ACAD10: variants seen among roughly 807,000 people sequenced by gnomAD.
ACAD10 encodes acyl-CoA dehydrogenase family member 10.
In ACAD10, 112 loss-of-function variants were observed where a neutral mutation model predicts 116.8. The ratio of observed to expected loss-of-function variants is 0.96; its 90% CI spans 0.82 to 1.12. The LOEUF (loss-of-function observed/expected upper bound fraction) is 1.12, where lower values mean the gene tolerates loss of function less well. Ranked by LOEUF, ACAD10 falls within the 50% of genes most tolerant of loss-of-function variation. The pLI is 0.00. For synonymous variants in ACAD10, 486 were observed against 510.6 expected (o/e 0.95, Z 0.65); for missense variants, 1,259 against 1,350.2 (o/e 0.93, Z 1.06).
At chr12:111,747,413 A>G in intron 16 of ACAD10, 28 bp downstream of exon 16, 1 of 1,612,146 alleles carries the variant, frequency 6.2e-7, no homozygotes, top group Non-Finnish European at 8.5e-7. Flanking sequence ...CACTTTCCAA[A>G]TGCACATCAG....
chr12:111,733,842 A>G (rs1889471410), intron 10 of ACAD10, 81 bp from the exon 11 acceptor site: 1 of 1,578,842 alleles, frequency 6.3e-7, no homozygotes, highest in Non-Finnish European at 8.6e-7. Flanking sequence ...AGCCAAGCCT[A>G]AAGGGCAAAC....
chr12:111,703,105 C>A (rs1038005640), intron 3 of ACAD10, among the ~76,000 whole-genome samples: 2 of 139,508 alleles, frequency 1.4e-5, no homozygotes, highest in African/African-American at 2.5e-5. Flanking sequence ...AAAAAAAATT[C>A]TTTACTAAGT....
At chr12:111,735,697 C>T (rs940286271) in intron 11 of ACAD10, among the ~76,000 whole-genome samples, 10 of 152,208 alleles carry the variant, frequency 6.6e-5, no homozygotes, top group South Asian at 4.2e-4. Context: ...CCTCATGATC[C>T]GCCCGCCTTG....
chr12:111,712,082 T>G (rs1284242006), intron 5 of ACAD10, among the ~76,000 whole-genome samples: 1 of 152,212 alleles, frequency 6.6e-6, no homozygotes, highest in East Asian at 1.9e-4. Flanking sequence ...AAATACAGAA[T>G]GTAAAGTCTC....
chr12:111,745,144 G>A, intron 13 of ACAD10, 101 bp downstream of exon 13: 1 of 1,299,808 alleles, frequency 7.7e-7, no homozygotes, highest in South Asian at 1.5e-5. Context: ...GAAGATACAG[G>A]AGCTCCGAGT....
chr12:111,744,530 A>G lies in ACAD10; in HGVS notation c.1715-113A>G, dbSNP rs573820915. ...GCTCTTAGCACAGTGTTTGGTACTT[A>G]GCAAGTGCTCAGCAAATGGCAATAG... On this transcript the variant is annotated intron_variant, in intron 12 of 20. Transcript: ENST00000313698. 4.0e-5 allele frequency: 53 copies of G among 1,328,970 alleles called. 1 individual carries two copies. Among genetic ancestry groups the G allele is most frequent in the Middle Eastern group, 1.9e-4 (1 of 5,178 alleles). 82.3% of individuals were successfully genotyped at this position (1,328,970 alleles called of 1,614,324 possible). A position where few individuals can be genotyped will look rare whatever the true frequency, so the allele number is the denominator to read the frequency against.
rs1161301933 is a variant in ACAD10 at position 111,749,041 on chromosome 12, C to T, written c.2645-132C>T. 5 of 1,612,954 alleles carry T rather than the reference C, an allele frequency of 3.1e-6. No homozygotes were observed. The African/African-American group carries it at 4.0e-5, about 13-fold the overall frequency. ...TTCCTGCCGTCCTTTTCCCTTTAAC[C>T]ATGTCCCAGTAAGAAGGCTAAATAA... On this transcript the variant is annotated intron_variant, in intron 17 of 20. Transcript: ENST00000313698.
rs546551729 is a variant in ACAD10, at chr12:111,744,198, G to A, written c.1715-445G>A. Among the ~76,000 whole-genome samples the A allele has an allele frequency of 4.5e-4, 68 of 152,260 alleles. 1 individual carries two copies. The highest frequency in any genetic ancestry group is 4.1e-3 in the Admixed American group (62 of 15,294). ...CAGAGACAGTGGTGTCTAGAAGTTGGCTCTTCCTTTAGTCAGTTGTGGCAT... is the reference window on the plus strand; with the variant it reads ...CAGAGACAGTGGTGTCTAGAAGTTGACTCTTCCTTTAGTCAGTTGTGGCAT... On this transcript the variant is annotated intron_variant, in intron 12 of 20. Transcript: ENST00000313698.
At chr12:111,754,032 C>A in intron 19 of ACAD10, 117 bp downstream of exon 19, 2 of 1,397,242 alleles carry the variant, frequency 1.4e-6, no homozygotes, top group Non-Finnish European at 1.9e-6. Context: ...CTACTTGGAG[C>A]TGTTTGGGCA....
intron 12 of ACAD10, among the ~76,000 whole-genome samples, chr12:111,738,855 A>G (rs1188868587): frequency 6.6e-6 from 1 of 152,136 alleles, no homozygotes; most frequent in Non-Finnish European, 1.5e-5. Flanking sequence ...TGGGTGACTG[A>G]GCAAGACACT....
rs772676900 is a variant in ACAD10, at chr12:111,729,938, T to C, written c.1376T>C (p.Val459Ala). The change falls in exon 10 of 21, where the codon GTG becomes GCG. Residue 459 changes from valine (V) to alanine (A), a missense_variant. Physicochemically the swap from Val to Ala is moderately conservative, Grantham distance 64. Coordinates refer to ENST00000313698, the MANE Select transcript of ACAD10 (RefSeq NM_025247.6). ...LHLPRQQRTT[V>A]VHGDFRLDNL... is the part of the protein sequence containing the mutation. ...CTTCCCCGTCAGCAGAGGACCACAG[T>C]GGTGCACGGGGACTTCAGGTAGATG... is the stretch of plus-strand genomic sequence containing the variant. The C allele has an allele frequency of 1.9e-6, 3 of 1,613,940 alleles. No homozygotes were observed. The South Asian group carries it at 3.3e-5, about 18-fold the overall frequency.
At chr12:111,743,722 T>C (rs115382014) in intron 12 of ACAD10, among the ~76,000 whole-genome samples, 2,352 of 152,292 alleles carry the variant, frequency 0.015, 71 homozygotes, top group African/African-American at 0.053. Context: ...GAGGTGTATG[T>C]ACACCACTCC....
At chr12:111,750,239 C>T (rs552503674) in intron 18 of ACAD10, among the ~76,000 whole-genome samples, 1 of 151,220 alleles carries the variant, frequency 6.6e-6, no homozygotes, top group East Asian at 2.0e-4. Flanking sequence ...CTACAGGCAC[C>T]CGCCACCATG....
chr12:111,740,798 A>G (rs146689542), intron 12 of ACAD10, among the ~76,000 whole-genome samples: 2,434 of 150,936 alleles, frequency 0.016, 26 homozygotes, highest in African/African-American at 0.023. Context: ...AAAAAAAAAA[A>G]AAAAGAAAAG....
chr12:111,698,232 A>C (rs1373206476), intron 2 of ACAD10, among the ~76,000 whole-genome samples: 1 of 149,638 alleles, frequency 6.7e-6, no homozygotes, highest in Non-Finnish European at 1.5e-5. Context: ...TCCTGACCTG[A>C]AGTGACTTGC....
At chr12:111,687,883 A>G (rs1420623432) in intron 1 of ACAD10, among the ~76,000 whole-genome samples, 1 of 140,668 alleles carries the variant, frequency 7.1e-6, no homozygotes, top group African/African-American at 2.6e-5. Flanking sequence ...TTTTTTTTGT[A>G]TTTTGAGACG....
At position 111,729,893 on chromosome 12, in the gene ACAD10, T is replaced by C; in HGVS notation, c.1331T>C (p.Ile444Thr). The C allele has an allele frequency of 1.2e-6, 2 of 1,614,064 alleles. No individual in the cohort carries two copies. The highest frequency in any genetic ancestry group is 1.7e-6 in the Non-Finnish European group (2 of 1,180,004). ...TSTIPAMERL[I>T]EWLPLHLPRQ... ...ACCATCCCAGCCATGGAGAGGCTGA[T>C]CGAATGGCTGCCCCTCCATCTTCCC... Residue 444 changes from isoleucine (I) to threonine (T), a missense_variant, in exon 10 of 21, where the codon ATC becomes ACC. By Grantham distance (89) the Ile-to-Thr change is moderately conservative (BLOSUM62 -1). Coordinates refer to ENST00000313698, the MANE Select transcript of ACAD10 (RefSeq NM_025247.6).
intron 2 of ACAD10, chr12:111,693,179 A>G: frequency 2.4e-6 from 1 of 410,938 alleles, no homozygotes; most frequent in South Asian, 2.8e-5. Context: ...TGCTTAGCAC[A>G]GTGATTGCTC....
At chr12:111,705,608 A>C (rs927920035) in intron 3 of ACAD10, 130 bp from the exon 4 acceptor site, 5 of 802,460 alleles carry the variant, frequency 6.2e-6, no homozygotes, top group Non-Finnish European at 9.9e-6. Context: ...GCAGGCAGCA[A>C]GCTATGAGCC....
Sources: allele counts gnomAD v4.1 joint callset (sites outside exome capture counted in the v4.1 genomes callset), GRCh38; gene constraint gnomAD v4.1.1; transcripts MANE v1.5; gene names NCBI Gene and HGNC (gene_info 2026-07-23, HGNC 2026-07-21).